Variants in COLEC10 observed in about 807,000 individuals in gnomAD.
COLEC10 encodes collectin-10.
COLEC10 carries 22 observed loss-of-function variants against 28.4 expected under a neutral mutation model. The ratio of observed to expected loss-of-function variants is 0.78; its 90% confidence interval spans 0.55 to 1.11. The LOEUF is 1.11. Among genes scored for constraint, COLEC10 ranks in the 50% least tolerant of loss-of-function variants. COLEC10 has a pLI of 0.00. For missense variants in COLEC10, 361 were observed against 344.1 expected (o/e 1.05, Z -0.39); for synonymous variants, 125 against 116.1 (o/e 1.08, Z -0.49).
chr8:118,985,167 C>T, the COLEC10 span, among the ~76,000 whole-genome samples: 11 of 152,150 alleles, frequency 7.2e-5, no homozygotes, highest in East Asian at 2.1e-3. Context: ...GGATGTCTAG[C>T]TCCCAGAATG....
the COLEC10 span, among the ~76,000 whole-genome samples, chr8:118,974,349 A>G: frequency 6.6e-6 from 1 of 152,102 alleles, no homozygotes; most frequent in East Asian, 1.9e-4. Flanking sequence ...GCACTTAAGA[A>G]GTAGAAAAAG....
chr8:119,036,316 C>A (rs1218159741), intron 2 of COLEC10, among the ~76,000 whole-genome samples: 16 of 152,172 alleles, frequency 1.1e-4, no homozygotes, highest in Non-Finnish European at 1.5e-5. Context: ...CTTAGTATAT[C>A]TTGGAGACTT....
intron 2 of COLEC10, among the ~76,000 whole-genome samples, chr8:119,037,582 G>T (rs1229295913): frequency 3.3e-5 from 5 of 152,112 alleles, no homozygotes; most frequent in Non-Finnish European, 5.9e-5. Flanking sequence ...TTTCTAATGG[G>T]TTCTCCTATG....
chr8:118,969,857 C>T, the COLEC10 span, among the ~76,000 whole-genome samples: 1 of 151,894 alleles, frequency 6.6e-6, no homozygotes, highest in African/African-American at 2.4e-5. Flanking sequence ...AGTTTTAGAT[C>T]AATGATTTCT....
the COLEC10 span, among the ~76,000 whole-genome samples, chr8:118,954,991 T>C: frequency 6.6e-6 from 1 of 152,230 alleles, no homozygotes; most frequent in Non-Finnish European, 1.5e-5. Flanking sequence ...AAACATCTTG[T>C]GCCTACACTT....
intron 1 of COLEC10, among the ~76,000 whole-genome samples, chr8:118,997,724 T>C (rs1813612986): frequency 6.6e-6 from 1 of 152,212 alleles, no homozygotes; most frequent in Non-Finnish European, 1.5e-5. Flanking sequence ...CCTCCATTAT[T>C]GGTCATGTTT....
rs6984886 is a variant in COLEC10, at chr8:119,107,094, G to T, written c.*903G>T. Among the ~76,000 whole-genome samples, 1 of 151,978 alleles carries T rather than the reference G, an allele frequency of 6.6e-6. No homozygotes were observed. The highest frequency in any genetic ancestry group is 2.4e-5 in the African/African-American group (1 of 41,330). On this transcript the variant is annotated 3_prime_UTR_variant, in exon 6 of 6. Coordinates refer to ENST00000332843, the MANE Select transcript of COLEC10 (RefSeq NM_006438.5). Reference sequence around the variant, plus strand: ...TCAATTTTATTCACCTTAGGCATAGGGAATGAGGGAAGGAGTTTGTGAAGC... The same window carrying T: ...TCAATTTTATTCACCTTAGGCATAGTGAATGAGGGAAGGAGTTTGTGAAGC...
intron 1 of COLEC10, among the ~76,000 whole-genome samples, chr8:118,996,075 T>C (rs1247205156): frequency 6.6e-6 from 1 of 152,124 alleles, no homozygotes; most frequent in Non-Finnish European, 1.5e-5. Context: ...GCAACCAGTG[T>C]TCTACTCTCT....
the COLEC10 span, among the ~76,000 whole-genome samples, chr8:118,990,202 G>A: frequency 1.3e-5 from 2 of 151,946 alleles, no homozygotes; most frequent in African/African-American, 4.8e-5. Flanking sequence ...TGGTCACTGA[G>A]CTCAAAATAT....
chr8:119,107,082 C>T lies in COLEC10; in HGVS notation c.*891C>T, dbSNP rs1041641407. Among the ~76,000 whole-genome samples, 5 of 152,148 alleles carry T rather than the reference C, an allele frequency of 3.3e-5. No homozygotes were observed. Among genetic ancestry groups the T allele is most frequent in the African/African-American group, 1.2e-4 (5 of 41,440 alleles). ...GGTTTACCTGCATCAATTTTATTCACCTTAGGCATAGGGAATGAGGGAAGG... is the reference window on the plus strand; with the variant it reads ...GGTTTACCTGCATCAATTTTATTCATCTTAGGCATAGGGAATGAGGGAAGG... On this transcript the variant is annotated 3_prime_UTR_variant, in exon 6 of 6. Transcript: ENST00000332843.
chr8:119,099,927 T>C (rs959034414), intron 3 of COLEC10, among the ~76,000 whole-genome samples: 2 of 152,182 alleles, frequency 1.3e-5, no homozygotes, highest in African/African-American at 4.8e-5. Flanking sequence ...TTTATGCTTC[T>C]TTTATGTCCA....
intron 1 of COLEC10, among the ~76,000 whole-genome samples, chr8:119,074,516 T>C (rs542667471): frequency 6.6e-6 from 1 of 152,282 alleles, no homozygotes; most frequent in East Asian, 1.9e-4. Context: ...GTCTAGTATA[T>C]AGCTTACCTA....
intron 2 of COLEC10, among the ~76,000 whole-genome samples, chr8:119,056,738 C>T (rs1368438684): frequency 1.3e-5 from 2 of 151,976 alleles, no homozygotes; most frequent in Non-Finnish European, 2.9e-5. Flanking sequence ...TTTCTCATAT[C>T]CTCCATTTTA....
chr8:119,094,260 A>T (rs1815667632), intron 3 of COLEC10, among the ~76,000 whole-genome samples: 1 of 152,200 alleles, frequency 6.6e-6, no homozygotes, highest in East Asian at 1.9e-4. Flanking sequence ...TGGAAAAAAA[A>T]GTTTCCAAAT....
chr8:119,097,095 A>G (rs904671527), intron 3 of COLEC10, among the ~76,000 whole-genome samples: 5 of 152,142 alleles, frequency 3.3e-5, no homozygotes, highest in Admixed American at 1.3e-4. Flanking sequence ...CTTGTAACAC[A>G]GTTCTAAGTC....
At chr8:119,052,968 A>G (rs774771531) in intron 2 of COLEC10, among the ~76,000 whole-genome samples, 75 of 152,118 alleles carry the variant, frequency 4.9e-4, no homozygotes, top group Non-Finnish European at 9.1e-4. Context: ...AAGGCATAAA[A>G]TTCCAGAGAA....
At chr8:119,025,638 G>T (rs889488540) in intron 2 of COLEC10, among the ~76,000 whole-genome samples, 1 of 152,178 alleles carries the variant, frequency 6.6e-6, no homozygotes, top group Non-Finnish European at 1.5e-5. Context: ...TGGGATTTGA[G>T]AATTCCCTTT....
intron 2 of COLEC10, among the ~76,000 whole-genome samples, chr8:119,042,520 T>G (rs1469133714): frequency 6.6e-6 from 1 of 152,168 alleles, no homozygotes; most frequent in Non-Finnish European, 1.5e-5. Flanking sequence ...TTCCTGGCTT[T>G]GTAACACTGG....
intron 1 of COLEC10, among the ~76,000 whole-genome samples, chr8:118,999,072 T>C: frequency 6.6e-6 from 1 of 152,086 alleles, no homozygotes; most frequent in South Asian, 2.1e-4. Context: ...AATAAATGTG[T>C]CCAAGGTCAC....
Sources: allele counts gnomAD v4.1 joint callset (sites outside exome capture counted in the v4.1 genomes callset), GRCh38; gene constraint gnomAD v4.1.1; transcripts MANE v1.5; gene names NCBI Gene and HGNC (gene_info 2026-07-23, HGNC 2026-07-21).